The following COL27A1 variants were observed in gnomAD, a reference collection of about 807,000 sequenced individuals.
The protein encoded by COL27A1 is collagen alpha-1(XXVII) chain.
Under a neutral mutation model 251.3 loss-of-function variants are expected in COL27A1, and 106 were observed. The observed-to-expected ratio is 0.42, with a 90% CI of 0.36 to 0.50. The LOEUF (loss-of-function observed/expected upper bound fraction) is 0.50. COL27A1 is among the 20% of genes least tolerant of loss of function. The pLI is 0.00. For missense variants in COL27A1, 2,325 were observed against 2,522.8 expected (o/e 0.92, Z 1.68); for synonymous variants, 1,000 against 986.3 (o/e 1.01, Z -0.26).
intron 2 of COL27A1, among the ~76,000 whole-genome samples, chr9:114,166,368 A>ATCCATCCATCCATCC (rs1554786336): frequency 2.7e-4 from 10 of 37,066 alleles, no homozygotes; most frequent in Admixed American, 7.5e-4. Context: ...TCCATCCATC[A>ATCCATCCATCCATCC]ATCCATCCAT....
In COL27A1 at chr9:114,309,245, G is replaced by A. The variant is rs778106434; in HGVS notation, c.5218-15G>A. 100 of 1,612,940 alleles carry A rather than the reference G, an allele frequency of 6.2e-5. No homozygotes were observed. The highest frequency in any genetic ancestry group is 9.3e-5 in the African/African-American group (7 of 74,882). On this transcript the variant is annotated splice_polypyrimidine_tract_variant and intron_variant, in intron 59 of 60. Coordinates refer to ENST00000356083, the MANE Select transcript of COL27A1 (RefSeq NM_032888.4). ...GGGGCAGCCTGAGCCGCTCACTGCC[G>A]TTGCTTCTCTATAGGTCGAGTTTGC...
At chr9:114,175,249 C>G (rs969331722) in intron 3 of COL27A1, among the ~76,000 whole-genome samples, 4 of 152,240 alleles carry the variant, frequency 2.6e-5, no homozygotes, top group Non-Finnish European at 5.9e-5. Flanking sequence ...GCTCTGCTCC[C>G]CCTCAGCTCC....
rs1554786450 is a variant in COL27A1 at position 114,166,445 on chromosome 9, A to ATCCT, written c.134-1241_134-1240insTTCC. Among the ~76,000 whole-genome samples the ATCCT allele has an allele frequency of 2.0e-4, 5 of 25,090 alleles. No homozygotes were observed. In the East Asian group the frequency reaches 4.6e-3, roughly 23 times the overall value. 16.5% of individuals were successfully genotyped at this position (25,090 alleles called of 152,430 possible). On this transcript the variant is annotated intron_variant, in intron 2 of 60. Transcript: ENST00000356083. ...CATTCATCCATCCATCCATTCATCT[A>ATCCT]TCCATCCATCCATCCATCCATCCAT...
chr9:114,267,764 G>A (rs1028481519), intron 34 of COL27A1, among the ~76,000 whole-genome samples: 1 of 152,048 alleles, frequency 6.6e-6, no homozygotes, highest in African/African-American at 2.4e-5. Flanking sequence ...ATGTTTTTTC[G>A]GGCACCTGCC....
At chr9:114,252,480 T>G in intron 25 of COL27A1, 113 bp from the exon 26 acceptor site, 2 of 880,964 alleles carry the variant, frequency 2.3e-6, no homozygotes, top group Non-Finnish European at 1.9e-6. Flanking sequence ...CTAGAGACCT[T>G]GAGCAAACCC....
At chr9:114,259,105 G>A (rs531423440) in intron 28 of COL27A1, among the ~76,000 whole-genome samples, 1 of 152,336 alleles carries the variant, frequency 6.6e-6, no homozygotes. Flanking sequence ...AAGGACTTTA[G>A]GAGAGGGCAG....
intron 38 of COL27A1, 42 bp downstream of exon 38, chr9:114,282,372 C>G (rs1723049304): frequency 1.2e-6 from 2 of 1,612,120 alleles, no homozygotes; most frequent in Admixed American, 1.7e-5. Flanking sequence ...CGTCCCTCCC[C>G]CGCATCCCTT....
intron 45 of COL27A1, among the ~76,000 whole-genome samples, chr9:114,289,505 A>C (rs1163890244): frequency 2.0e-5 from 3 of 152,130 alleles, no homozygotes; most frequent in Non-Finnish European, 4.4e-5. Flanking sequence ...GCCCCATTTC[A>C]CTGGGGCTCC....
intron 23 of COL27A1, among the ~76,000 whole-genome samples, chr9:114,245,114 A>G (rs1833023051): frequency 1.4e-5 from 2 of 147,266 alleles, no homozygotes; most frequent in Non-Finnish European, 1.5e-5. Flanking sequence ...TTCCTGAGAT[A>G]GGGCAGCCTG....
intron 4 of COL27A1, among the ~76,000 whole-genome samples, chr9:114,179,553 C>T (rs973373350): frequency 1.3e-5 from 2 of 152,220 alleles, no homozygotes; most frequent in African/African-American, 4.8e-5. Flanking sequence ...ATGACCACTC[C>T]CTTCTTGGAA....
chr9:114,282,039 G>A (rs1588864704), intron 37 of COL27A1, among the ~76,000 whole-genome samples: 1 of 152,150 alleles, frequency 6.6e-6, no homozygotes, highest in South Asian at 2.1e-4. Flanking sequence ...CTGTCAGCAC[G>A]TTCTTACATC....
chr9:114,310,477 A>G, intron 60 of COL27A1, 72 bp from the exon 61 acceptor site: 8 of 1,549,834 alleles, frequency 5.2e-6, no homozygotes, highest in Middle Eastern at 3.4e-4. Context: ...GGAAAGATGG[A>G]AGGGAAAATG....
chr9:114,171,480 T>TAG (rs1849317854), intron 3 of COL27A1, among the ~76,000 whole-genome samples: 2 of 149,194 alleles, frequency 1.3e-5, no homozygotes, highest in African/African-American at 5.0e-5. Context: ...TTTTTTTTTT[T>TAG]AGAGACAGGG....
intron 4 of COL27A1, among the ~76,000 whole-genome samples, chr9:114,181,143 C>CGTAA (rs1366023745): frequency 6.6e-6 from 1 of 152,184 alleles, no homozygotes; most frequent in African/African-American, 2.4e-5. Context: ...GTCCCAGTCA[C>CGTAA]TTACAGAACA....
chr9:114,223,323 C>T (rs1377839721), intron 14 of COL27A1, among the ~76,000 whole-genome samples: 1 of 152,212 alleles, frequency 6.6e-6, no homozygotes, highest in African/African-American at 2.4e-5. Context: ...ACTCCAGCAA[C>T]TGTACTGAGA....
chr9:114,165,119 T>C (rs1047785228), intron 2 of COL27A1, among the ~76,000 whole-genome samples: 34 of 152,182 alleles, frequency 2.2e-4, no homozygotes, highest in African/African-American at 8.2e-4. Context: ...AACCCTATGG[T>C]GTAGGCGCAC....
At chr9:114,180,660 C>G (rs532260326) in intron 4 of COL27A1, among the ~76,000 whole-genome samples, 1 of 152,338 alleles carries the variant, frequency 6.6e-6, no homozygotes, top group East Asian at 1.9e-4. Flanking sequence ...GCCCAAAGCT[C>G]TCTGTCTTGC....
Position 114,169,312 on chromosome 9 carries a change from C to G in COL27A1, c.1757C>G (p.Thr586Ser). ...AGACAGCCCCAGCCCAGTCAGCAGA[C>G]CACCCCGGCCCTGGTATTGGCCCCG... ...SPRQPQPSQQ[T>S]TPALVLAPAQ... Residue 586 changes from threonine to serine, a missense_variant, in exon 3 of 61, where the codon ACC becomes AGC. By Grantham distance (58) the Thr-to-Ser change is moderately conservative (BLOSUM62 1). Coordinates refer to ENST00000356083, the MANE Select transcript of COL27A1 (RefSeq NM_032888.4). 1 of 1,612,568 alleles carries G rather than the reference C, an allele frequency of 6.2e-7. No individual in the cohort carries two copies. Among genetic ancestry groups the G allele is most frequent in the South Asian group, 1.1e-5 (1 of 90,986 alleles).
chr9:114,270,520 G>A (rs1835069613), intron 35 of COL27A1, among the ~76,000 whole-genome samples: 1 of 152,176 alleles, frequency 6.6e-6, no homozygotes, highest in Non-Finnish European at 1.5e-5. Flanking sequence ...TTTCTGGAGA[G>A]CTGAGGGTGG....
Sources: gnomAD v4.1 joint callset for allele counts (sites outside exome capture counted in the v4.1 genomes callset) on GRCh38, gnomAD v4.1.1 for gene constraint, MANE v1.5 for transcripts, NCBI Gene and HGNC (gene_info 2026-07-23, HGNC 2026-07-21) for gene names.